Variants in PDE4B observed in about 807,000 individuals in gnomAD.
PDE4B encodes 3',5'-cyclic-AMP phosphodiesterase 4B.
In PDE4B, 20 loss-of-function variants were observed where a neutral mutation model predicts 82.2. The observed-to-expected ratio is 0.24, with a 90% CI of 0.17 to 0.35. The LOEUF is 0.35. Ranked by LOEUF, PDE4B falls within the 10% of genes least tolerant of loss-of-function variation. The probability of loss-of-function intolerance (pLI) is 1.00; values close to 1 mark genes in which losing one functional copy is unlikely to be tolerated. For missense variants in PDE4B, 655 were observed against 907.2 expected, an observed-to-expected ratio of 0.72 and a Z score of 3.57; for synonymous variants, 320 against 318.9, an observed-to-expected ratio of 1.00 and a Z score of -0.04.
chr1:66,021,817 A>C (rs572056999), intron 3 of PDE4B, among the ~76,000 whole-genome samples: 3,223 of 152,200 alleles, frequency 0.021, 116 homozygotes, highest in African/African-American at 0.073. Context: ...TTCCATATGA[A>C]CTTTAAAGTA....
intron 1 of PDE4B, among the ~76,000 whole-genome samples, chr1:65,853,792 C>T (rs149324282): frequency 1.3e-3 from 195 of 152,150 alleles, no homozygotes; most frequent in Admixed American, 2.2e-3. Context: ...CCTCCCAAAG[C>T]GCTAGGATTA....
At chr1:65,972,995 C>A (rs1338981832) in intron 3 of PDE4B, among the ~76,000 whole-genome samples, 2 of 152,112 alleles carry the variant, frequency 1.3e-5, no homozygotes, top group Non-Finnish European at 2.9e-5. Context: ...GTTGTTGGAG[C>A]AAAGTGTTCT....
At chr1:66,336,921 C>T (rs923858866) in intron 8 of PDE4B, among the ~76,000 whole-genome samples, 91 of 152,134 alleles carry the variant, frequency 6.0e-4, no homozygotes, top group African/African-American at 2.2e-3. Context: ...TCTACCAGGC[C>T]CCGAGCCAGC....
intron 3 of PDE4B, among the ~76,000 whole-genome samples, chr1:66,133,080 T>C (rs563573): frequency 0.27 from 40,729 of 152,082 alleles, 5,696 homozygotes; most frequent in Non-Finnish European, 0.31. Context: ...TCCTCCAATG[T>C]TGCATTTTTA....
Position 66,372,448 on chromosome 1 carries a change from T to C in PDE4B, c.1981T>C (p.Ser661Pro). The change falls in exon 17 of 17, where the codon TCA becomes CCA. Residue 661 changes from serine (S) to proline (P), a missense_variant. Ser to Pro is a moderately conservative substitution (Grantham distance 74, BLOSUM62 -1). This residue lies in a region of PDE4B where 119 missense variants were observed against 115.2 expected (regional missense o/e 1.03). Transcript: ENST00000341517. ...WYQSMIPQSP[S>P]PPLDEQNRDC... is the part of the protein sequence containing the mutation. ...TCAGAGCATGATACCTCAAAGTCCC[T>C]CACCACCACTGGACGAGCAGAACAG... is the stretch of plus-strand genomic sequence containing the variant. 6.2e-7 allele frequency: 1 copy of C among 1,614,132 alleles called. No individual in the cohort carries two copies. The highest frequency in any genetic ancestry group is 8.5e-7 in the Non-Finnish European group (1 of 1,180,010).
At chr1:65,911,059 A>G (rs1244698687) in intron 1 of PDE4B, among the ~76,000 whole-genome samples, 5 of 152,216 alleles carry the variant, frequency 3.3e-5, no homozygotes, top group Admixed American at 2.0e-4. Flanking sequence ...GAGTCAGGAC[A>G]TGTGTCCGAT....
chr1:66,274,657 A>G (rs1305343120), intron 7 of PDE4B, among the ~76,000 whole-genome samples: 1 of 152,194 alleles, frequency 6.6e-6, no homozygotes, highest in Non-Finnish European at 1.5e-5. Context: ...CCTCGTCTCC[A>G]AAATTAGGAT....
chr1:66,058,937 G>A (rs1033319873), intron 3 of PDE4B, among the ~76,000 whole-genome samples: 2 of 152,250 alleles, frequency 1.3e-5, no homozygotes, highest in African/African-American at 4.8e-5. Context: ...TCAGAATATG[G>A]GATTTTCTTT....
chr1:65,890,501 A>G (rs1296418217), intron 1 of PDE4B, among the ~76,000 whole-genome samples: 1 of 152,108 alleles, frequency 6.6e-6, no homozygotes, highest in African/African-American at 2.4e-5. Context: ...TTAATCAATT[A>G]ACAACTAGAC....
intron 3 of PDE4B, among the ~76,000 whole-genome samples, chr1:66,157,792 A>G (rs1279191512): frequency 6.6e-6 from 1 of 151,882 alleles, no homozygotes; most frequent in African/African-American, 2.4e-5. Context: ...TGTCCAACAA[A>G]TAGATATTGA....
chr1:66,306,276 G>T (rs542274980), intron 7 of PDE4B, among the ~76,000 whole-genome samples: 2 of 152,008 alleles, frequency 1.3e-5, no homozygotes, highest in Non-Finnish European at 2.9e-5. Flanking sequence ...ACTTGTGGAC[G>T]TCTAAATATT....
intron 3 of PDE4B, among the ~76,000 whole-genome samples, chr1:65,994,395 T>G (rs898059452): frequency 4.1e-4 from 62 of 152,306 alleles, no homozygotes; most frequent in African/African-American, 1.4e-3. Context: ...ATGGCTTTAT[T>G]GCAGATTTTC....
chr1:66,205,766 G>T (rs1159285266), intron 3 of PDE4B, among the ~76,000 whole-genome samples: 3 of 152,180 alleles, frequency 2.0e-5, no homozygotes, highest in Non-Finnish European at 4.4e-5. Flanking sequence ...GTCTGTGCTA[G>T]AAAGGAACAT....
chr1:66,175,703 T>C (rs143856645), intron 3 of PDE4B, among the ~76,000 whole-genome samples: 17 of 152,328 alleles, frequency 1.1e-4, no homozygotes, highest in Middle Eastern at 3.4e-3. Flanking sequence ...GTGAGGACAA[T>C]GTATGTAACA....
intron 3 of PDE4B, among the ~76,000 whole-genome samples, chr1:65,944,619 A>C (rs970969654): frequency 6.6e-5 from 10 of 151,978 alleles, no homozygotes; most frequent in African/African-American, 2.4e-4. Flanking sequence ...ACAACATTTG[A>C]AAGGAGGGGG....
At chr1:65,970,637 A>C (rs535088710) in intron 3 of PDE4B, among the ~76,000 whole-genome samples, 7 of 152,172 alleles carry the variant, frequency 4.6e-5, no homozygotes, top group Non-Finnish European at 8.8e-5. Flanking sequence ...AATAAGTTCT[A>C]TGGTAAAGGT....
intron 3 of PDE4B, among the ~76,000 whole-genome samples, chr1:65,942,999 A>G (rs963273683): frequency 1.3e-5 from 2 of 151,942 alleles, no homozygotes; most frequent in African/African-American, 4.8e-5. Context: ...GGCTGTACAG[A>G]AGCTTTTCAG....
intron 3 of PDE4B, among the ~76,000 whole-genome samples, chr1:66,214,609 T>C (rs774335757): frequency 1.3e-5 from 2 of 152,194 alleles, no homozygotes; most frequent in African/African-American, 4.8e-5. Flanking sequence ...ACCAACTTTA[T>C]TAACAAATTT....
At chr1:66,277,451 A>C (rs1655965755) in intron 7 of PDE4B, among the ~76,000 whole-genome samples, 1 of 152,110 alleles carries the variant, frequency 6.6e-6, no homozygotes, top group South Asian at 2.1e-4. Context: ...GCTGGAGTGC[A>C]GTGGCACGAT....
Sources: gnomAD v4.1 joint callset for allele counts (sites outside exome capture counted in the v4.1 genomes callset) on GRCh38, gnomAD v4.1.1 for gene constraint, gnomAD v4.1.1 regional missense constraint, MANE v1.5 for transcripts, NCBI Gene and HGNC (gene_info 2026-07-23, HGNC 2026-07-21) for gene names.